The following BRD1 variants were observed in gnomAD, a reference collection of about 807,000 sequenced individuals.
The protein encoded by BRD1 is bromodomain containing 1.
In BRD1, 24 loss-of-function variants were observed where a neutral mutation model predicts 107.7. The observed-to-expected ratio is 0.22, with a 90% CI of 0.16 to 0.31. The LOEUF is 0.31. Among genes scored for constraint, BRD1 ranks in the 10% least tolerant of loss-of-function variants. BRD1 has a pLI of 1.00. For missense variants in BRD1, 1,279 were observed against 1,638.6 expected (o/e 0.78, Z 3.79); for synonymous variants, 744 against 686.1 (o/e 1.08, Z -1.32).
chr22:49,782,948 G>C lies in BRD1; in HGVS notation c.2857+4442C>G, dbSNP rs527467149. 2.3e-4 allele frequency among the ~76,000 whole-genome samples: 29 copies of C among 128,572 alleles called. No homozygotes were observed. In the Admixed American group the frequency reaches 2.3e-3, roughly 10 times the overall value. 84.3% of individuals were successfully genotyped at this position (128,572 alleles called of 152,430 possible). A position where few individuals can be genotyped will look rare whatever the true frequency, so the allele number is the denominator to read the frequency against. ...ACTTGCTCTGTGACAATGCCGCTGG[G>C]GACAGTCAGAGACAGACCCAAAGCC... On this transcript the variant is annotated intron_variant, in intron 8 of 12. Transcript: ENST00000404760.
chr22:49,808,192 A>C (rs2059780743), intron 2 of BRD1, among the ~76,000 whole-genome samples: 2 of 152,238 alleles, frequency 1.3e-5, no homozygotes, highest in African/African-American at 4.8e-5. Flanking sequence ...GTATACACCC[A>C]AAAGAACTGA....
rs111874824 is a variant in BRD1 at position 49,826,123 on chromosome 22, G to A, written c.-15+1374C>T. The A allele has an allele frequency of 3.6e-4, 346 of 963,900 alleles. 3 individuals carry two copies. The African/African-American group carries it at 4.9e-3, about 14-fold the overall frequency. The allele number at this position is 963,900 out of a possible 1,614,324, so 59.7% of individuals were successfully genotyped here. A position where few individuals can be genotyped will look rare whatever the true frequency, so the allele number is the denominator to read the frequency against. ...CGCCGACACGCGTCATTACTGAGGT[G>A]GGGCAGAAGCAACAGTTGGTTACTC... is the stretch of plus-strand genomic sequence containing the variant. On this transcript the variant is annotated intron_variant, in intron 1 of 12. Coordinates refer to ENST00000404760, the MANE Select transcript of BRD1 (RefSeq NM_001304808.3).
Position 49,800,041 on chromosome 22 carries a change from G to A in BRD1, c.1525-922C>T, listed in dbSNP as rs78471934. Among the ~76,000 whole-genome samples, 1,096 of 152,280 alleles carry A rather than the reference G, an allele frequency of 7.2e-3. 10 individuals carry two copies. Among genetic ancestry groups the A allele is most frequent in the African/African-American group, 0.026 (1,064 of 41,548 alleles). On this transcript the variant is annotated intron_variant, in intron 3 of 12. Transcript: ENST00000404760. Reference sequence around the variant, plus strand: ...GCGCCCTGCCAGCCTCAGGACAGCCGTGGCCATCAGTTTCTGGCACATGCT... The same window carrying A: ...GCGCCCTGCCAGCCTCAGGACAGCCATGGCCATCAGTTTCTGGCACATGCT...
chr22:49,790,276 C>T (rs1169279934), intron 7 of BRD1, among the ~76,000 whole-genome samples: 1 of 152,194 alleles, frequency 6.6e-6, no homozygotes, highest in African/African-American at 2.4e-5. Context: ...GGCTCCACGA[C>T]ACAACAGGCA....
intron 3 of BRD1, among the ~76,000 whole-genome samples, chr22:49,799,618 G>GCTGCC (rs2059604691): frequency 6.6e-6 from 1 of 152,340 alleles, no homozygotes; most frequent in Admixed American, 6.5e-5. Context: ...CAGCCGACCT[G>GCTGCC]CTGCCCTGCC....
intron 1 of BRD1, among the ~76,000 whole-genome samples, chr22:49,826,860 CCGCTCACAAGAG>C (rs1364813695): frequency 6.6e-6 from 1 of 152,240 alleles, no homozygotes; most frequent in Admixed American, 6.5e-5. Context: ...ACTCCCGCGT[CCGCTCACAAGAG>C]CCGCGTTTCC....
At chr22:49,796,087 T>C (rs919557524) in intron 6 of BRD1, among the ~76,000 whole-genome samples, 4 of 140,692 alleles carry the variant, frequency 2.8e-5, no homozygotes, top group South Asian at 2.4e-4. Context: ...TATATTTCCA[T>C]TGTGTTTTCT....
intron 2 of BRD1, chr22:49,818,434 C>A: frequency 9.6e-7 from 1 of 1,038,778 alleles, no homozygotes; most frequent in African/African-American, 1.7e-5. Context: ...TCATTTCATG[C>A]AATAACCAAA....
At chr22:49,777,841 C>G (rs751114240) in intron 8 of BRD1, 28 bp from the exon 9 acceptor site, 1 of 1,578,516 alleles carries the variant, frequency 6.3e-7, no homozygotes, top group Non-Finnish European at 8.6e-7. Flanking sequence ...AGGCCCTGAG[C>G]TCAGCACAAC....
chr22:49,813,129 C>T (rs1419556700), intron 2 of BRD1, among the ~76,000 whole-genome samples: 1 of 152,192 alleles, frequency 6.6e-6, no homozygotes, highest in African/African-American at 2.4e-5. Flanking sequence ...CATGGCTCAC[C>T]CCTATGATCC....
chr22:49,784,518 C>T (rs2059284266), intron 8 of BRD1, among the ~76,000 whole-genome samples: 1 of 152,236 alleles, frequency 6.6e-6, no homozygotes, highest in African/African-American at 2.4e-5. Context: ...GCACAGCCGG[C>T]CCGCGGGCGA....
chr22:49,818,318 C>T, intron 2 of BRD1: 1 of 1,276,150 alleles, frequency 7.8e-7, no homozygotes, highest in South Asian at 1.3e-5. Flanking sequence ...ACCAAACCGA[C>T]ACAGGCCGTC....
intron 2 of BRD1, among the ~76,000 whole-genome samples, chr22:49,810,494 T>G (rs574632767): frequency 1.3e-5 from 2 of 152,182 alleles, no homozygotes; most frequent in Non-Finnish European, 2.9e-5. Context: ...TCCATCCAAC[T>G]TGTAAATGTT....
At chr22:49,790,002 T>C (rs906497844) in intron 7 of BRD1, among the ~76,000 whole-genome samples, 3 of 152,192 alleles carry the variant, frequency 2.0e-5, no homozygotes, top group African/African-American at 7.2e-5. Flanking sequence ...CACACGCCCC[T>C]GGCCTCTCTG....
chr22:49,781,872 T>C (rs978324867), intron 8 of BRD1, among the ~76,000 whole-genome samples: 1 of 152,304 alleles, frequency 6.6e-6, no homozygotes, highest in African/African-American at 2.4e-5. Context: ...CTGCTCTTGC[T>C]GGGACCTGCT....
rs1156918290 is a variant in BRD1 at position 49,823,456 on chromosome 22, G to A, written c.862C>T (p.Arg288Cys). The A allele has an allele frequency of 5.0e-6, 8 of 1,610,470 alleles. No homozygotes were observed. Among genetic ancestry groups the A allele is most frequent in the South Asian group, 1.1e-5 (1 of 91,086 alleles). Reference protein sequence around the residue: ...GGAFKKTDDDRWGHVVCALWI... With the variant: ...GGAFKKTDDDCWGHVVCALWI... ...AGGGCACACACCACGTGACCCCAGC[G>A]GTCGTCATCTGTCTTTTTGAAGGCA... Residue 288 changes from arginine (R) to cysteine (C), a missense_variant, in exon 2 of 13, where the codon CGC becomes TGC. Physicochemically the swap from Arg to Cys is radical, Grantham distance 180. Coordinates refer to ENST00000404760, the MANE Select transcript of BRD1 (RefSeq NM_001304808.3).
chr22:49,795,965 CG>C (rs1160263709), intron 6 of BRD1, among the ~76,000 whole-genome samples: 1 of 152,168 alleles, frequency 6.6e-6, no homozygotes, highest in Non-Finnish European at 1.5e-5. Context: ...AAGCTCCACC[CG>C]GGTTCACCAA....
At chr22:49,800,769 T>C (rs973783229) in intron 3 of BRD1, among the ~76,000 whole-genome samples, 15 of 152,240 alleles carry the variant, frequency 9.9e-5, no homozygotes, top group Middle Eastern at 3.4e-3. Context: ...ATTTCCCATG[T>C]AAAAATCAAC....
intron 2 of BRD1, among the ~76,000 whole-genome samples, chr22:49,812,569 TCAAA>T (rs1434721737): frequency 6.6e-6 from 1 of 152,092 alleles, no homozygotes; most frequent in East Asian, 1.9e-4. Flanking sequence ...AGACCTTGTC[TCAAA>T]AAAGTAAAAG....
Sources: allele counts gnomAD v4.1 joint callset (sites outside exome capture counted in the v4.1 genomes callset), GRCh38; gene constraint gnomAD v4.1.1; transcripts MANE v1.5; gene names NCBI Gene and HGNC (gene_info 2026-07-23, HGNC 2026-07-21).